Variants in PPFIA2 observed in about 807,000 individuals in gnomAD.
The protein encoded by PPFIA2 is PPFI scaffold protein A2.
In PPFIA2, 46 loss-of-function variants were observed where a neutral mutation model predicts 175.5. The ratio of observed to expected loss-of-function variants is 0.26; its 90% CI spans 0.21 to 0.34. PPFIA2 has a LOEUF of 0.34. Ranked by LOEUF, PPFIA2 falls within the 10% of genes least tolerant of loss-of-function variation. PPFIA2 has a pLI of 1.00. For missense variants in PPFIA2, 1,179 were observed against 1,506.1 expected, an observed-to-expected ratio of 0.78 and a Z score of 3.60; for synonymous variants, 568 against 511.4, an observed-to-expected ratio of 1.11 and a Z score of -1.49.
intron 4 of PPFIA2, among the ~76,000 whole-genome samples, chr12:81,497,629 T>C (rs910311562): frequency 7.2e-5 from 10 of 138,962 alleles, no homozygotes; most frequent in Non-Finnish European, 1.5e-4. Context: ...CACTGCAGCC[T>C]CCCAGGTTCA....
At chr12:81,495,415 TTTTTTTATAACACAGAAAA>T (rs2059930043) in intron 4 of PPFIA2, among the ~76,000 whole-genome samples, 1 of 152,132 alleles carries the variant, frequency 6.6e-6, no homozygotes, top group Non-Finnish European at 1.5e-5. Context: ...TTGTAGTTCC[TTTTTTTATAACACAGAAAA>T]TATTTTTAAA....
At position 81,628,754 on chromosome 12, in the gene PPFIA2, TTC is replaced by T. The variant is rs372967885; in HGVS notation, c.303+48035_303+48036del. ...GCAATCAATAGCTCCTTTCTCTTTT[TTC>T]TTTTTTCACTTCCTCCAACTGATTT... On this transcript the variant is annotated intron_variant, in intron 4 of 32. Transcript: ENST00000549396. Among the ~76,000 whole-genome samples, 438 of 152,308 alleles carry T rather than the reference TTC, an allele frequency of 2.9e-3. 2 individuals carry two copies. The highest frequency in any genetic ancestry group is 0.01 in the African/African-American group (416 of 41,566).
intron 4 of PPFIA2, among the ~76,000 whole-genome samples, chr12:81,638,499 G>C (rs1215307193): frequency 1.3e-5 from 2 of 151,866 alleles, no homozygotes; most frequent in Non-Finnish European, 2.9e-5. Context: ...TTTTTATGAA[G>C]AGAGAAAAGT....
At chr12:81,651,580 T>C (rs574630220) in intron 4 of PPFIA2, among the ~76,000 whole-genome samples, 5 of 152,268 alleles carry the variant, frequency 3.3e-5, no homozygotes, top group Admixed American at 3.3e-4. Context: ...TGATTCAAAA[T>C]TGTGTTACTT....
chr12:81,270,942 A>G (rs560413411), intron 28 of PPFIA2: 12 of 152,286 alleles, frequency 7.9e-5, no homozygotes, highest in African/African-American at 2.9e-4. Context: ...AAAATAGCCA[A>G]CTTATTTCTA....
At chr12:81,554,003 A>G (rs1292185157) in intron 4 of PPFIA2, among the ~76,000 whole-genome samples, 1 of 152,048 alleles carries the variant, frequency 6.6e-6, no homozygotes, top group Non-Finnish European at 1.5e-5. Context: ...GCAAAAAGAA[A>G]TTAATTGATT....
At chr12:81,260,623 G>A (rs1240586498) in intron 32 of PPFIA2, 3 of 151,912 alleles carry the variant, frequency 2.0e-5, no homozygotes, top group South Asian at 2.1e-4. Context: ...ATCTCTTATC[G>A]GGATGCTTTT....
At chr12:81,514,358 C>A (rs955675276) in intron 4 of PPFIA2, among the ~76,000 whole-genome samples, 7 of 151,882 alleles carry the variant, frequency 4.6e-5, no homozygotes, top group Non-Finnish European at 8.8e-5. Flanking sequence ...GAATTAAGGT[C>A]TTCACTGTTA....
chr12:81,574,123 C>T (rs2073069238), intron 4 of PPFIA2, among the ~76,000 whole-genome samples: 1 of 151,858 alleles, frequency 6.6e-6, no homozygotes, highest in African/African-American at 2.4e-5. Context: ...GGCTGCATAT[C>T]CATTTTCTGT....
intron 19 of PPFIA2, 119 bp from the exon 20 acceptor site, chr12:81,341,327 A>G (rs1235043806): frequency 1.0e-6 from 1 of 987,080 alleles, no homozygotes; most frequent in African/African-American, 1.7e-5. Flanking sequence ...TAAAACAACA[A>G]AACTTGGGGC....
At chr12:81,668,873 CT>C (rs751912189) in intron 4 of PPFIA2, among the ~76,000 whole-genome samples, 1 of 151,924 alleles carries the variant, frequency 6.6e-6, no homozygotes, top group Non-Finnish European at 1.5e-5. Context: ...TTTTTAACTC[CT>C]GCATTTTTTG....
chr12:81,630,123 AT>A (rs773342645), intron 4 of PPFIA2, among the ~76,000 whole-genome samples: 2 of 152,138 alleles, frequency 1.3e-5, no homozygotes, highest in Non-Finnish European at 2.9e-5. Flanking sequence ...AAACAAGTAG[AT>A]TCTTCCTTAG....
At chr12:81,359,645 G>T (rs1391937966) in intron 15 of PPFIA2, among the ~76,000 whole-genome samples, 1 of 151,742 alleles carries the variant, frequency 6.6e-6, no homozygotes, top group African/African-American at 2.4e-5. Flanking sequence ...TTATAAGACA[G>T]GCTTAAACTG....
rs562417163 is a variant in PPFIA2 at position 81,538,467 on chromosome 12, G to A, written c.304-80601C>T. 4.6e-5 allele frequency among the ~76,000 whole-genome samples: 7 copies of A among 151,968 alleles called. No homozygotes were observed. The South Asian group carries it at 1.5e-3, about 31-fold the overall frequency. On this transcript the variant is annotated intron_variant, in intron 4 of 32. Coordinates refer to ENST00000549396, the MANE Select transcript of PPFIA2 (RefSeq NM_003625.5). ...CACAATAAATATGTTTTATGTAACA[G>A]AGAGAAGATATATGCTTTGGAAAAT...
intron 4 of PPFIA2, among the ~76,000 whole-genome samples, chr12:81,477,873 T>A (rs2057684641): frequency 6.6e-6 from 1 of 150,924 alleles, no homozygotes; most frequent in Admixed American, 6.6e-5. Flanking sequence ...TTTTTTTTTT[T>A]AATTGTTGGA....
At chr12:81,688,098 T>G (rs2074692289) in intron 3 of PPFIA2, among the ~76,000 whole-genome samples, 1 of 152,050 alleles carries the variant, frequency 6.6e-6, no homozygotes, top group South Asian at 2.1e-4. Context: ...TTTCTATGGC[T>G]TTGGTTATTA....
chr12:81,713,061 A>T (rs1352407573), intron 3 of PPFIA2, among the ~76,000 whole-genome samples: 1 of 151,254 alleles, frequency 6.6e-6, no homozygotes, highest in Non-Finnish European at 1.5e-5. Flanking sequence ...ATTAAATATT[A>T]TGCCAAATTT....
chr12:81,387,448 T>C (rs2039229580), intron 8 of PPFIA2, among the ~76,000 whole-genome samples: 1 of 151,930 alleles, frequency 6.6e-6, no homozygotes, highest in South Asian at 2.1e-4. Flanking sequence ...GTGAGAAAGA[T>C]AAAACACAGA....
In PPFIA2 at chr12:81,384,140, T is replaced by G. The variant is rs1337319461; in HGVS notation, c.867A>C (p.Glu289Asp). ...CTCGGGAAGAAAGGGCTGCTAAACGTTCTTTCATCTGGGCCATTTCATAGT... is the reference window on the plus strand; with the variant it reads ...CTCGGGAAGAAAGGGCTGCTAAACGGTCTTTCATCTGGGCCATTTCATAGT... ...KQNYEMAQMK[E>D]RLAALSSRVG... The change falls in exon 9 of 33, where the codon GAA (glutamate) becomes GAC (aspartate). Residue 289 changes from glutamate to aspartate, a missense_variant. By Grantham distance (45) the Glu-to-Asp change is conservative. Around this residue, in one of 10 missense-constraint regions of PPFIA2, gnomAD observed 226 missense variants for 216.6 expected, o/e 1.04. Coordinates refer to ENST00000549396, the MANE Select transcript of PPFIA2 (RefSeq NM_003625.5). 1.2e-6 allele frequency: 2 copies of G among 1,612,818 alleles called. No homozygotes were observed. The highest frequency in any genetic ancestry group is 1.7e-6 in the Non-Finnish European group (2 of 1,179,196).
Sources: allele counts gnomAD v4.1 joint callset (sites outside exome capture counted in the v4.1 genomes callset), GRCh38; gene constraint gnomAD v4.1.1; regional missense constraint gnomAD v4.1.1; transcripts MANE v1.5; gene names NCBI Gene and HGNC (gene_info 2026-07-23, HGNC 2026-07-21).